Variants in IQGAP2 observed in about 807,000 individuals in gnomAD.
IQGAP2 encodes the protein IQ motif containing GTPase activating protein 2, also known as ras GTPase-activating-like protein IQGAP2.
Under a neutral mutation model 201.3 loss-of-function variants are expected in IQGAP2, and 173 were observed. That is an observed-to-expected ratio of 0.86 (90% confidence interval 0.76 to 0.98). The LOEUF (loss-of-function observed/expected upper bound fraction) is 0.98. IQGAP2 is among the 50% of genes least tolerant of loss of function. The pLI is 0.00. For synonymous variants in IQGAP2, 675 were observed against 673.9 expected (o/e 1.00, Z -0.03); for missense variants, 1,687 against 1,864.8 (o/e 0.90, Z 1.76).
At position 76,701,075 on chromosome 5, in the gene IQGAP2, G is replaced by A; in HGVS notation, c.4368-1G>A. On this transcript the variant is annotated splice_acceptor_variant, in intron 33 of 35. Coordinates refer to ENST00000274364, the MANE Select transcript of IQGAP2 (RefSeq NM_006633.5). LOFTEE classifies it high-confidence loss of function. ...CAAATGTTCTGTTCTTATTTTGTCA[G>A]AAATACTCGGAGATCAATTAAACTA... 1 of 1,614,020 alleles carries A rather than the reference G, an allele frequency of 6.2e-7. No homozygotes were observed. Among genetic ancestry groups the A allele is most frequent in the Non-Finnish European group, 8.5e-7 (1 of 1,179,946 alleles).
At chr5:76,653,054 A>G (rs1445179303) in intron 18 of IQGAP2, among the ~76,000 whole-genome samples, 1 of 152,220 alleles carries the variant, frequency 6.6e-6, no homozygotes, top group African/African-American at 2.4e-5. Context: ...ATGAGTGGTT[A>G]TGAGAATCAC....
Position 76,622,175 on chromosome 5 carries a change from G to A in IQGAP2, c.1522-5235G>A, listed in dbSNP as rs2069653. ...CTCTTTGTTTCCTTCAGAGGCCCCCGTTTTCACCTCCATCAAACCCTATTA... is the reference window on the plus strand; with the variant it reads ...CTCTTTGTTTCCTTCAGAGGCCCCCATTTTCACCTCCATCAAACCCTATTA... On this transcript the variant is annotated intron_variant, in intron 13 of 35. Transcript: ENST00000274364. 9.1e-3 allele frequency among the ~76,000 whole-genome samples: 1,378 copies of A among 151,832 alleles called. 15 individuals are homozygous for A. The highest frequency in any genetic ancestry group is 0.03 in the African/African-American group (1,245 of 41,346).
intron 12 of IQGAP2, among the ~76,000 whole-genome samples, chr5:76,608,491 G>A (rs555473926): frequency 6.6e-6 from 1 of 152,274 alleles, no homozygotes; most frequent in Non-Finnish European, 1.5e-5. Context: ...AACCAGGCAG[G>A]AATTGCTCAG....
chr5:76,474,170 A>G (rs544315653), intron 2 of IQGAP2, among the ~76,000 whole-genome samples: 32 of 152,268 alleles, frequency 2.1e-4, no homozygotes, highest in African/African-American at 7.7e-4. Flanking sequence ...TGGTGGAGTT[A>G]GTGGTAGATT....
At position 76,526,676 on chromosome 5, in the gene IQGAP2, T is replaced by C. The variant is rs1053643663; in HGVS notation, c.147-35720T>C. On this transcript the variant is annotated intron_variant, in intron 2 of 35. Coordinates refer to ENST00000274364, the MANE Select transcript of IQGAP2 (RefSeq NM_006633.5). ...GAGACGTAGGTCCCCAGATGATTGA[T>C]TGGCTGCAAAGTATGGACATGTCTT... is the stretch of plus-strand genomic sequence containing the variant. 2.6e-5 allele frequency among the ~76,000 whole-genome samples: 4 copies of C among 152,230 alleles called. No individual in the cohort carries two copies. In the East Asian group the frequency reaches 7.7e-4, roughly 29 times the overall value.
intron 30 of IQGAP2, among the ~76,000 whole-genome samples, chr5:76,686,465 T>G (rs1397933034): frequency 6.6e-6 from 1 of 152,078 alleles, no homozygotes; most frequent in Non-Finnish European, 1.5e-5. Flanking sequence ...CATTTTTGTG[T>G]GTGGTGTGAG....
In IQGAP2 at chr5:76,588,909, G is replaced by A. The variant is rs1131232; in HGVS notation, c.462G>A (p.Leu154=). 806,866 of 1,583,014 alleles carry A rather than the reference G, an allele frequency of 0.51. 214,341 individuals carry two copies. Among genetic ancestry groups the A allele is most frequent in the East Asian group, 0.74 (32,806 of 44,416 alleles). The stretch of plus-strand genomic sequence containing the variant: ...ATTTTGTGTTTTTTTCTTTCAGTTT[G>A]TATCTGTTCAAACTAGGAATAGCAC... ...RMIYCIHALS[L]YLFKLGIAPQ... The change falls in exon 6 of 36, where the codon TTG becomes TTA. Residue 154 remains leucine, a synonymous_variant. Transcript: ENST00000274364.
chr5:76,472,682 C>T, intron 2 of IQGAP2, among the ~76,000 whole-genome samples: 1 of 152,194 alleles, frequency 6.6e-6, no homozygotes. Flanking sequence ...GTATGTTGGA[C>T]AGGTGCCAAT....
At chr5:76,427,658 A>C (rs1122058) in intron 1 of IQGAP2, among the ~76,000 whole-genome samples, 6 of 152,144 alleles carry the variant, frequency 3.9e-5, no homozygotes, top group Admixed American at 2.6e-4. Context: ...ATTTGGTGAA[A>C]TTGCAGATTC....
At chr5:76,632,810 T>G (rs1189210681) in intron 15 of IQGAP2, among the ~76,000 whole-genome samples, 1 of 105,478 alleles carries the variant, frequency 9.5e-6, no homozygotes, top group African/African-American at 3.4e-5. Context: ...AAGTAGAGCT[T>G]AAGGAAAAAA....
At chr5:76,407,599 G>GT (rs1283216117) in intron 1 of IQGAP2, among the ~76,000 whole-genome samples, 1 of 152,200 alleles carries the variant, frequency 6.6e-6, no homozygotes, top group African/African-American at 2.4e-5. Context: ...TGGTGTTTTG[G>GT]TTGAGCTTTT....
At chr5:76,417,956 C>G (rs1751505822) in intron 1 of IQGAP2, among the ~76,000 whole-genome samples, 1 of 151,656 alleles carries the variant, frequency 6.6e-6, no homozygotes, top group South Asian at 2.1e-4. Flanking sequence ...CACCTGTAAT[C>G]CCAGCACTTT....
chr5:76,472,488 G>T (rs1224011843), intron 2 of IQGAP2, among the ~76,000 whole-genome samples: 2 of 152,198 alleles, frequency 1.3e-5, no homozygotes, highest in African/African-American at 4.8e-5. Flanking sequence ...CTTGGCGGGG[G>T]TCTGGATTTG....
intron 1 of IQGAP2, among the ~76,000 whole-genome samples, chr5:76,452,657 C>T (rs999698369): frequency 2.6e-5 from 4 of 152,080 alleles, no homozygotes; most frequent in Admixed American, 6.5e-5. Context: ...ATAATAATAG[C>T]GACACTCTCA....
intron 1 of IQGAP2, among the ~76,000 whole-genome samples, chr5:76,428,825 G>A (rs1019610038): frequency 1.1e-4 from 17 of 151,688 alleles, no homozygotes; most frequent in African/African-American, 4.1e-4. Flanking sequence ...AGGTGTGGTG[G>A]CTCATGTCTG....
intron 1 of IQGAP2, among the ~76,000 whole-genome samples, chr5:76,428,500 CA>C (rs1447163841): frequency 6.7e-6 from 1 of 148,398 alleles, no homozygotes; most frequent in Non-Finnish European, 1.5e-5. Context: ...TGCAATGGCG[CA>C]ATCTCTGCAA....
At chr5:76,410,663 G>A (rs559053123) in intron 1 of IQGAP2, among the ~76,000 whole-genome samples, 1 of 152,304 alleles carries the variant, frequency 6.6e-6, no homozygotes, top group African/African-American at 2.4e-5. Context: ...AGCAGGACAA[G>A]GATATTGACA....
intron 2 of IQGAP2, among the ~76,000 whole-genome samples, chr5:76,554,498 G>T (rs969789624): frequency 2.6e-5 from 4 of 152,096 alleles, no homozygotes; most frequent in Non-Finnish European, 5.9e-5. Flanking sequence ...ACTAAAACAT[G>T]AGCAATAGAT....
intron 12 of IQGAP2, among the ~76,000 whole-genome samples, chr5:76,610,210 G>A (rs1364047993): frequency 7.5e-6 from 1 of 133,158 alleles, no homozygotes; most frequent in Non-Finnish European, 1.5e-5. Context: ...TTGGCTCACT[G>A]CAACCTCTGC....
Sources: allele counts gnomAD v4.1 joint callset (sites outside exome capture counted in the v4.1 genomes callset), GRCh38; gene constraint gnomAD v4.1.1; transcripts MANE v1.5; gene names NCBI Gene and HGNC (gene_info 2026-07-23, HGNC 2026-07-21).